The following MEGF11 variants were observed in gnomAD, a reference collection of about 807,000 sequenced individuals.
MEGF11 encodes multiple EGF like domains 11.
A neutral mutation model predicts 146.6 loss-of-function variants in MEGF11; 126 were observed. The observed-to-expected ratio is 0.86, with a 90% CI of 0.74 to 1.00. The LOEUF (loss-of-function observed/expected upper bound fraction) is 1.00. Among genes scored for constraint, MEGF11 ranks in the 50% least tolerant of loss-of-function variants. MEGF11 has a pLI of 0.00. For synonymous variants in MEGF11, 532 were observed against 583.4 expected (o/e 0.91, Z 1.27); for missense variants, 1,509 against 1,521.2 (o/e 0.99, Z 0.13).
intron 5 of MEGF11, among the ~76,000 whole-genome samples, chr15:66,078,405 C>G: frequency 6.6e-6 from 1 of 152,236 alleles, no homozygotes; most frequent in East Asian, 1.9e-4. Flanking sequence ...GATGACTGGA[C>G]TTCCCGGGCC....
At chr15:66,143,864 G>T (rs1216682496) in intron 1 of MEGF11, among the ~76,000 whole-genome samples, 4 of 152,182 alleles carry the variant, frequency 2.6e-5, no homozygotes, top group Non-Finnish European at 4.4e-5. Flanking sequence ...GCCTGTTACA[G>T]ATGAGGACCC....
At chr15:65,921,414 C>T (rs1333080853) in intron 15 of MEGF11, among the ~76,000 whole-genome samples, 1 of 152,216 alleles carries the variant, frequency 6.6e-6, no homozygotes, top group Non-Finnish European at 1.5e-5. Flanking sequence ...TATCCATCAG[C>T]TGTTCCCTGT....
rs191548201 is a variant in MEGF11 at position 65,928,317 on chromosome 15, T to C, written c.1675+108A>G. 1.1e-3 allele frequency: 681 copies of C among 625,680 alleles called. 6 individuals carry two copies. Among genetic ancestry groups the C allele is most frequent in the Non-Finnish European group, 7.2e-5 (26 of 360,154 alleles). 38.8% of individuals were successfully genotyped at this position (625,680 alleles called of 1,614,324 possible). A position where few individuals can be genotyped will look rare whatever the true frequency, so the allele number is the denominator to read the frequency against. On this transcript the variant is annotated intron_variant, in intron 13 of 25. Transcript: ENST00000395614. ...AGCAGATAAAGGGAAAGATGCATACTCAGGGATCAAGAAGAGAGGTATTGA... is the reference window on the plus strand; with the variant it reads ...AGCAGATAAAGGGAAAGATGCATACCCAGGGATCAAGAAGAGAGGTATTGA...
chr15:66,113,211 A>G (rs1428220388), intron 4 of MEGF11, among the ~76,000 whole-genome samples: 1 of 151,902 alleles, frequency 6.6e-6, no homozygotes, highest in African/African-American at 2.4e-5. Context: ...CCATGTGCAG[A>G]CCACCTCCTA....
intron 1 of MEGF11, among the ~76,000 whole-genome samples, chr15:66,231,868 A>G (rs1013283574): frequency 5.3e-5 from 8 of 152,188 alleles, no homozygotes; most frequent in African/African-American, 1.9e-4. Context: ...TATCATCCTC[A>G]AATAACAACT....
At chr15:66,032,010 C>T (rs908570919) in intron 5 of MEGF11, among the ~76,000 whole-genome samples, 3 of 152,204 alleles carry the variant, frequency 2.0e-5, no homozygotes, top group African/African-American at 7.2e-5. Flanking sequence ...CATGGGAGCA[C>T]ACACCCTATT....
At chr15:65,904,846 G>A (rs1025118753) in intron 24 of MEGF11, among the ~76,000 whole-genome samples, 13 of 152,206 alleles carry the variant, frequency 8.5e-5, no homozygotes, top group African/African-American at 3.1e-4. Flanking sequence ...CTGGTACACT[G>A]TTAGATTTAG....
intron 1 of MEGF11, among the ~76,000 whole-genome samples, chr15:66,198,437 G>T (rs751964582): frequency 6.6e-6 from 1 of 152,124 alleles, no homozygotes; most frequent in African/African-American, 2.4e-5. Context: ...TGATCTCAAC[G>T]TCATCAGCAA....
chr15:65,900,820 CAT>C (rs1238452378), intron 24 of MEGF11, among the ~76,000 whole-genome samples: 2 of 152,204 alleles, frequency 1.3e-5, no homozygotes, highest in Non-Finnish European at 2.9e-5. Flanking sequence ...GCCTCTTTAG[CAT>C]ATGACTCTAG....
intron 5 of MEGF11, among the ~76,000 whole-genome samples, chr15:66,070,147 C>T (rs1257069868): frequency 1.3e-5 from 2 of 152,212 alleles, no homozygotes; most frequent in Non-Finnish European, 2.9e-5. Flanking sequence ...AGTCTGCTCA[C>T]CCAGAGGGTT....
chr15:65,920,523 A>C (rs1169975516), intron 15 of MEGF11, among the ~76,000 whole-genome samples: 1 of 152,220 alleles, frequency 6.6e-6, no homozygotes, highest in African/African-American at 2.4e-5. Context: ...TTATCTTTGA[A>C]GTCTTTCTCA....
At position 66,124,018 on chromosome 15, in the gene MEGF11, G is replaced by T. The variant is rs2088197909; in HGVS notation, c.99-18C>A. ...CAGCATAGCTGAGAACCAGATGGGA[G>T]ATAGGAGCCATGATTAGCACTTGGG... On this transcript the variant is annotated intron_variant, in intron 2 of 25. Coordinates refer to ENST00000395614, the MANE Select transcript of MEGF11 (RefSeq NM_001385028.1). 1.3e-6 allele frequency: 2 copies of T among 1,594,368 alleles called. No individual in the cohort carries two copies. The highest frequency in any genetic ancestry group is 1.7e-6 in the Non-Finnish European group (2 of 1,162,034).
chr15:66,009,816 G>T (rs2082652627), intron 5 of MEGF11, among the ~76,000 whole-genome samples: 1 of 151,906 alleles, frequency 6.6e-6, no homozygotes, highest in African/African-American at 2.4e-5. Flanking sequence ...GGATGGTCTC[G>T]ATCTCCTCAC....
chr15:66,027,809 T>G (rs1217376209), intron 5 of MEGF11, among the ~76,000 whole-genome samples: 2 of 152,206 alleles, frequency 1.3e-5, no homozygotes, highest in South Asian at 2.1e-4. Context: ...TGGAGAGCAT[T>G]GGGCTTAGGA....
rs542926778 is a variant in MEGF11, at chr15:65,928,942, G to T, written c.1573-415C>A. The stretch of plus-strand genomic sequence containing the variant: ...GAATGACTATGATTTATTCTTTGTT[G>T]CCGGGGAAGAAGGTAGTCACCAATT... On this transcript the variant is annotated intron_variant, in intron 12 of 25. Transcript: ENST00000395614. Among the ~76,000 whole-genome samples, 16 of 152,282 alleles carry T rather than the reference G, an allele frequency of 1.1e-4. No homozygotes were observed. In the South Asian group the frequency reaches 2.5e-3, roughly 24 times the overall value.
At chr15:66,198,207 C>T (rs2091058114) in intron 1 of MEGF11, among the ~76,000 whole-genome samples, 1 of 152,230 alleles carries the variant, frequency 6.6e-6, no homozygotes, top group African/African-American at 2.4e-5. Context: ...GAAAAATGGT[C>T]CCTTAACATA....
chr15:65,928,504 G>A lies in MEGF11; in HGVS notation c.1596C>T (p.Cys532=). Residue 532 remains cysteine, a synonymous_variant, in exon 13 of 26, where the codon TGC becomes TGT. Coordinates refer to ENST00000395614, the MANE Select transcript of MEGF11 (RefSeq NM_001385028.1). ...PCPDGTFGLN[C]SEHCDCSHAD... ...CATGGCTGCAGTCACAGTGTTCACT[G>A]CAGTTCAGCCCAAATGTGCCATCCT... The A allele has an allele frequency of 6.2e-7, 1 of 1,605,016 alleles. No homozygotes were observed. Among genetic ancestry groups the A allele is most frequent in the Non-Finnish European group, 8.5e-7 (1 of 1,174,498 alleles).
chr15:65,916,597 C>A, intron 17 of MEGF11: 2 of 777,318 alleles, frequency 2.6e-6, no homozygotes, highest in Non-Finnish European at 4.2e-6. Flanking sequence ...TGCTGGAGTA[C>A]CTTGCAGCCC....
intron 15 of MEGF11, among the ~76,000 whole-genome samples, chr15:65,921,453 A>G (rs1027654225): frequency 2.6e-5 from 4 of 152,076 alleles, no homozygotes; most frequent in Non-Finnish European, 4.4e-5. Context: ...TGCTTTGCCC[A>G]AGCTGCTTCC....
Sources: gnomAD v4.1 joint callset for allele counts (sites outside exome capture counted in the v4.1 genomes callset) on GRCh38, gnomAD v4.1.1 for gene constraint, MANE v1.5 for transcripts, NCBI Gene and HGNC (gene_info 2026-07-23, HGNC 2026-07-21) for gene names.